The following CCDC73 variants were observed in gnomAD, a reference collection of about 807,000 sequenced individuals.
CCDC73 encodes the protein coiled-coil domain-containing protein 73.
A neutral mutation model predicts 116.5 loss-of-function variants in CCDC73; 95 were observed. That is an observed-to-expected ratio of 0.82 (90% CI 0.69 to 0.97). The LOEUF is 0.97. Among genes scored for constraint, CCDC73 ranks in the 50% least tolerant of loss-of-function variants. CCDC73 has a pLI of 0.00. For missense variants in CCDC73, 1,066 were observed against 1,206.8 expected (o/e 0.88, Z 1.73); for synonymous variants, 398 against 401.3 (o/e 0.99, Z 0.10).
intron 2 of CCDC73, among the ~76,000 whole-genome samples, chr11:32,740,093 G>A (rs1850170177): frequency 6.6e-6 from 1 of 151,976 alleles, no homozygotes; most frequent in South Asian, 2.1e-4. Context: ...ATTTTGTTGA[G>A]AATTTTTGTA....
chr11:32,664,155 T>A (rs937269453), intron 9 of CCDC73, among the ~76,000 whole-genome samples: 4 of 152,180 alleles, frequency 2.6e-5, no homozygotes, highest in Non-Finnish European at 5.9e-5. Flanking sequence ...TTTTATTGTG[T>A]CTCTGCCAGG....
chr11:32,803,909 C>T, the CCDC73 span, among the ~76,000 whole-genome samples: 391 of 151,676 alleles, frequency 2.6e-3, 1 homozygote, highest in African/African-American at 8.9e-3. Flanking sequence ...CAGGTTCAAG[C>T]GATTCTTCTG....
At chr11:32,769,292 A>G (rs1850471789) in intron 1 of CCDC73, among the ~76,000 whole-genome samples, 1 of 152,148 alleles carries the variant, frequency 6.6e-6, no homozygotes, top group South Asian at 2.1e-4. Flanking sequence ...GGGCTCAGCT[A>G]GGTGGTTCCT....
At chr11:32,656,957 AAC>A (rs1855879614) in intron 9 of CCDC73, among the ~76,000 whole-genome samples, 1 of 152,322 alleles carries the variant, frequency 6.6e-6, no homozygotes, top group South Asian at 2.1e-4. Context: ...GTAAAATAAA[AAC>A]ATTTTTTGTA....
intron 17 of CCDC73, chr11:32,605,721 T>C (rs1442723828): frequency 1.3e-5 from 2 of 152,216 alleles, no homozygotes; most frequent in Non-Finnish European, 2.9e-5. Flanking sequence ...AGATACAGTG[T>C]AGATTAGCTA....
At chr11:32,632,142 G>A (rs1216541575) in intron 14 of CCDC73, among the ~76,000 whole-genome samples, 1 of 152,060 alleles carries the variant, frequency 6.6e-6, no homozygotes, top group African/African-American at 2.4e-5. Flanking sequence ...CTTATTTTTT[G>A]TGTATATTGC....
At chr11:32,619,498 C>A (rs759122955) in intron 14 of CCDC73, among the ~76,000 whole-genome samples, 7 of 152,094 alleles carry the variant, frequency 4.6e-5, no homozygotes, top group Non-Finnish European at 7.4e-5. Context: ...TAACAAGACC[C>A]CATCTCTATG....
chr11:32,795,545 T>C (rs563233269), upstream of CCDC73, among the ~76,000 whole-genome samples: 201 of 152,186 alleles, frequency 1.3e-3, 1 homozygote, highest in African/African-American at 4.7e-3. Context: ...ATTATACTGA[T>C]AATCACACCT....
At chr11:32,633,724 GT>G (rs968121415) in intron 14 of CCDC73, among the ~76,000 whole-genome samples, 13 of 152,278 alleles carry the variant, frequency 8.5e-5, no homozygotes, top group Admixed American at 7.2e-4. Context: ...AGCACCCAAA[GT>G]TTTTTGGGGG....
chr11:32,700,518 A>G (rs1042744264), intron 5 of CCDC73, among the ~76,000 whole-genome samples: 2 of 152,196 alleles, frequency 1.3e-5, no homozygotes, highest in African/African-American at 4.8e-5. Flanking sequence ...TCTAGTCCCA[A>G]TTTTGCCACT....
At chr11:32,825,936 C>T in the CCDC73 span, among the ~76,000 whole-genome samples, 1 of 152,160 alleles carries the variant, frequency 6.6e-6, no homozygotes, top group Non-Finnish European at 1.5e-5. Context: ...CTCCGGTGCG[C>T]TCTAAGAGCT....
At chr11:32,603,627 G>A (rs763088717) in intron 17 of CCDC73, 3 of 151,996 alleles carry the variant, frequency 2.0e-5, no homozygotes, top group Non-Finnish European at 1.5e-5. Flanking sequence ...ATTGTCTATG[G>A]CTGCAAAATA....
chr11:32,736,995 T>G (rs1484107960), intron 2 of CCDC73, among the ~76,000 whole-genome samples: 1 of 149,524 alleles, frequency 6.7e-6, no homozygotes, highest in Non-Finnish European at 1.5e-5. Flanking sequence ...TATATATGTA[T>G]ATATATATAT....
the CCDC73 span, among the ~76,000 whole-genome samples, chr11:32,801,245 A>G: frequency 2.6e-5 from 4 of 152,218 alleles, no homozygotes; most frequent in Non-Finnish European, 1.5e-5. Context: ...CCAATCACTG[A>G]CAAAGGAATG....
At chr11:32,774,586 C>T (rs1349984357) in intron 1 of CCDC73, among the ~76,000 whole-genome samples, 1 of 151,284 alleles carries the variant, frequency 6.6e-6, no homozygotes, top group Non-Finnish European at 1.5e-5. Context: ...TTTCAGAAAA[C>T]CATGGAAGAG....
At chr11:32,727,095 G>A (rs973186718) in intron 2 of CCDC73, among the ~76,000 whole-genome samples, 4 of 152,088 alleles carry the variant, frequency 2.6e-5, no homozygotes, top group African/African-American at 9.7e-5. Context: ...GAGGTATCTT[G>A]TAGAATGTCC....
upstream of CCDC73, chr11:32,794,712 G>A (rs561027345): frequency 1.2e-4 from 18 of 152,280 alleles, no homozygotes; most frequent in African/African-American, 4.1e-4. Flanking sequence ...AAGATACGTG[G>A]GTAATCTTGA....
chr11:32,797,670 G>C (rs978184907), upstream of CCDC73, among the ~76,000 whole-genome samples: 1 of 152,140 alleles, frequency 6.6e-6, no homozygotes, highest in African/African-American at 2.4e-5. Flanking sequence ...ACTTTTTGAG[G>C]ACAGGGACTT....
At chr11:32,828,396 G>A in the CCDC73 span, among the ~76,000 whole-genome samples, 1 of 151,730 alleles carries the variant, frequency 6.6e-6, no homozygotes. Flanking sequence ...TGTAATCCCA[G>A]CTACTCGGAA....
Sources: gnomAD v4.1 joint callset for allele counts (sites outside exome capture counted in the v4.1 genomes callset) on GRCh38, gnomAD v4.1.1 for gene constraint, MANE v1.5 for transcripts, NCBI Gene and HGNC (gene_info 2026-07-23, HGNC 2026-07-21) for gene names.